The following VAT1L variants were observed in gnomAD, a reference collection of about 807,000 sequenced individuals.
The protein encoded by VAT1L is putative NADPH-dependent quinone oxidoreductase VAT1L.
VAT1L carries 34 observed loss-of-function variants against 44.1 expected under a neutral mutation model. The observed-to-expected ratio is 0.77, with a 90% CI of 0.59 to 1.03. VAT1L has a LOEUF of 1.03. Among genes scored for constraint, VAT1L ranks in the 50% least tolerant of loss-of-function variants. The probability of loss-of-function intolerance (pLI) is 0.00; values close to 1 mark genes in which losing one functional copy is unlikely to be tolerated. For synonymous variants in VAT1L, 253 were observed against 202.2 expected (o/e 1.25, Z -2.13); for missense variants, 615 against 538.8 (o/e 1.14, Z -1.40).
intron 7 of VAT1L, among the ~76,000 whole-genome samples, chr16:77,908,507 CATG>C (rs2017464125): frequency 7.1e-6 from 1 of 140,038 alleles, no homozygotes; most frequent in Non-Finnish European, 1.5e-5. Flanking sequence ...CAAGCCTCTT[CATG>C]ATTACAGATA....
chr16:77,923,422 C>G (rs1192901180), intron 7 of VAT1L, among the ~76,000 whole-genome samples: 1 of 152,138 alleles, frequency 6.6e-6, no homozygotes, highest in African/African-American at 2.4e-5. Context: ...TGCATCCTAG[C>G]CTGGGAGACA....
chr16:77,876,978 T>C (rs1171178493), intron 5 of VAT1L, among the ~76,000 whole-genome samples: 1 of 151,932 alleles, frequency 6.6e-6, no homozygotes, highest in Non-Finnish European at 1.5e-5. Flanking sequence ...GGAACACATG[T>C]CTGTTCTTCT....
chr16:77,868,949 T>C (rs963884905), intron 4 of VAT1L, among the ~76,000 whole-genome samples: 3 of 152,130 alleles, frequency 2.0e-5, no homozygotes, highest in African/African-American at 4.8e-5. Flanking sequence ...CAGGGCTAGA[T>C]TGATGAGACT....
At chr16:77,948,435 T>C (rs1480374782) in intron 7 of VAT1L, among the ~76,000 whole-genome samples, 1 of 152,216 alleles carries the variant, frequency 6.6e-6, no homozygotes, top group Non-Finnish European at 1.5e-5. Context: ...GCTGGGTCCT[T>C]AGCAATACGG....
chr16:77,920,955 T>C lies in VAT1L; in HGVS notation c.1077+36153T>C, dbSNP rs558022257. Among the ~76,000 whole-genome samples the C allele has an allele frequency of 6.4e-4, 96 of 151,126 alleles. 1 individual carries two copies. The highest frequency in any genetic ancestry group is 1.1e-3 in the Non-Finnish European group (74 of 67,492). On this transcript the variant is annotated intron_variant, in intron 7 of 8. Coordinates refer to ENST00000302536, the MANE Select transcript of VAT1L (RefSeq NM_020927.3). Reference sequence around the variant, plus strand: ...TGTGTGTGTGTGTGTGTGTAGTGTGTATGTGCATATATACACACACACACA... The same window carrying C: ...TGTGTGTGTGTGTGTGTGTAGTGTGCATGTGCATATATACACACACACACA...
chr16:77,850,082 G>A (rs2016793615), intron 3 of VAT1L, among the ~76,000 whole-genome samples: 1 of 152,208 alleles, frequency 6.6e-6, no homozygotes, highest in Non-Finnish European at 1.5e-5. Flanking sequence ...AAGGCAGGCT[G>A]CTGAGCTGTG....
intron 1 of VAT1L, among the ~76,000 whole-genome samples, chr16:77,803,765 G>A (rs776232971): frequency 2.6e-5 from 4 of 152,072 alleles, no homozygotes; most frequent in African/African-American, 7.2e-5. Flanking sequence ...TAGCTGTCAC[G>A]TTGTAGGAAA....
intron 7 of VAT1L, among the ~76,000 whole-genome samples, chr16:77,937,169 C>T (rs2017810154): frequency 6.6e-6 from 1 of 152,192 alleles, no homozygotes; most frequent in Non-Finnish European, 1.5e-5. Context: ...GCGTGAGCCA[C>T]CGCGTCCTGC....
rs1190790254 is a variant in VAT1L at position 77,884,568 on chromosome 16, G to T, written c.883-40G>T. ...TGCTGCCAATGTAGGCTTAACCCCG[G>T]TATTGAGTTCCTATAACCCAATACC... is the stretch of plus-strand genomic sequence containing the variant. On this transcript the variant is annotated intron_variant, in intron 6 of 8. Coordinates refer to ENST00000302536, the MANE Select transcript of VAT1L (RefSeq NM_020927.3). This position sits in a 1 kb window ranked among gnomAD's most constrained non-coding sequence, Gnocchi z 4.5. 4 of 1,590,598 alleles carry T rather than the reference G, an allele frequency of 2.5e-6. No individual in the cohort carries two copies. The African/African-American group carries it at 5.4e-5, about 21-fold the overall frequency.
intron 7 of VAT1L, among the ~76,000 whole-genome samples, chr16:77,970,831 C>G (rs1056632890): frequency 1.2e-4 from 18 of 152,212 alleles, no homozygotes; most frequent in African/African-American, 4.3e-4. Flanking sequence ...AAATACTGCT[C>G]TATCAATCAG....
chr16:77,913,428 C>T (rs994292450), intron 7 of VAT1L, among the ~76,000 whole-genome samples: 6 of 152,118 alleles, frequency 3.9e-5, no homozygotes, highest in Non-Finnish European at 7.3e-5. Flanking sequence ...ACCAAACCCA[C>T]TCTTGTCAAA....
intron 7 of VAT1L, among the ~76,000 whole-genome samples, chr16:77,895,118 T>TA (rs1567500925): frequency 2.7e-5 from 4 of 150,176 alleles, no homozygotes; most frequent in African/African-American, 9.9e-5. Flanking sequence ...ACACACACAC[T>TA]CACACATTTC....
chr16:77,909,369 G>T (rs1173857297), intron 7 of VAT1L, among the ~76,000 whole-genome samples: 1 of 152,126 alleles, frequency 6.6e-6, no homozygotes, highest in African/African-American at 2.4e-5. Flanking sequence ...AGGTGCAGTG[G>T]CTCATGCCTG....
chr16:77,792,817 A>T (rs1487070627), intron 1 of VAT1L, among the ~76,000 whole-genome samples: 1 of 152,206 alleles, frequency 6.6e-6, no homozygotes, highest in Non-Finnish European at 1.5e-5. Context: ...ACTATAAAAT[A>T]GAGCATCCAT....
chr16:77,863,565 A>G (rs1165359379), intron 4 of VAT1L, among the ~76,000 whole-genome samples: 1 of 152,162 alleles, frequency 6.6e-6, no homozygotes, highest in Non-Finnish European at 1.5e-5. Flanking sequence ...CTCTCTGAAC[A>G]GTGAAGCATG....
At chr16:77,802,314 C>T (rs2016071868) in intron 1 of VAT1L, among the ~76,000 whole-genome samples, 1 of 152,116 alleles carries the variant, frequency 6.6e-6, no homozygotes, top group Non-Finnish European at 1.5e-5. Context: ...AGTCTTGAGT[C>T]CCTTAGAAAA....
intron 7 of VAT1L, among the ~76,000 whole-genome samples, chr16:77,921,610 CCTGT>C (rs1196391401): frequency 3.3e-5 from 5 of 152,154 alleles, no homozygotes; most frequent in African/African-American, 1.2e-4. Flanking sequence ...GTTCCTCTTA[CCTGT>C]GACTTAATTT....
rs71137846 is a variant in VAT1L, at chr16:77,839,535, C to CAAAAAAAA, written c.579+14102_579+14109dup. ...TGGGCGACAGAGAGATACTCCATAT[C>CAAAAAAAA]AAAAAAAAAAAAAAAAAAAAAAAAA... On this transcript the variant is annotated intron_variant, in intron 3 of 8. Transcript: ENST00000302536. Among the ~76,000 whole-genome samples, 121 of 49,066 alleles carry CAAAAAAAA rather than the reference C, an allele frequency of 2.5e-3. 4 individuals are homozygous for CAAAAAAAA. The highest frequency in any genetic ancestry group is 5.1e-3 in the African/African-American group (56 of 11,048). 32.2% of individuals were successfully genotyped at this position (49,066 alleles called of 152,430 possible).
chr16:77,866,118 G>A (rs2016971681), intron 4 of VAT1L, among the ~76,000 whole-genome samples: 1 of 152,134 alleles, frequency 6.6e-6, no homozygotes, highest in Non-Finnish European at 1.5e-5. Context: ...ACAACCCTCC[G>A]TCCTAGCAAA....
Sources: allele counts gnomAD v4.1 joint callset (sites outside exome capture counted in the v4.1 genomes callset), GRCh38; gene constraint gnomAD v4.1.1; non-coding constraint Gnocchi (gnomAD v3.1); transcripts MANE v1.5; gene names NCBI Gene and HGNC (gene_info 2026-07-23, HGNC 2026-07-21).